The following COL15A1 variants were observed in gnomAD, a reference collection of about 807,000 sequenced individuals.
COL15A1 encodes the protein collagen alpha-1(XV) chain.
COL15A1 carries 111 observed loss-of-function variants against 165.9 expected under a neutral mutation model. The observed-to-expected ratio is 0.67, with a 90% CI of 0.57 to 0.78. The LOEUF is 0.78. Ranked by LOEUF, COL15A1 falls within the 30% of genes least tolerant of loss-of-function variation. COL15A1 has a pLI of 0.00. For missense variants in COL15A1, 1,745 were observed against 1,789.7 expected, an observed-to-expected ratio of 0.98 and a Z score of 0.45; for synonymous variants, 659 against 674.8, an observed-to-expected ratio of 0.98 and a Z score of 0.36.
intron 28 of COL15A1, 116 bp from the exon 29 acceptor site, chr9:99,049,574 G>A: frequency 7.8e-7 from 1 of 1,290,272 alleles, no homozygotes; most frequent in Non-Finnish European, 1.1e-6. Context: ...ACCTGAGAGA[G>A]AAGTTGGTTG....
intron 9 of COL15A1, among the ~76,000 whole-genome samples, chr9:99,011,543 C>G (rs569791463): frequency 6.6e-6 from 1 of 152,000 alleles, no homozygotes; most frequent in East Asian, 1.9e-4. Flanking sequence ...TTACATCTCT[C>G]TCATTTCCTG....
chr9:99,013,098 T>C (rs1358400897), intron 9 of COL15A1, among the ~76,000 whole-genome samples: 1 of 152,180 alleles, frequency 6.6e-6, no homozygotes, highest in African/African-American at 2.4e-5. Flanking sequence ...GGTGAGACTC[T>C]ACAGTGTGTC....
rs763799487 is a variant in COL15A1, at chr9:99,015,534, G to T, written c.1471G>T (p.Ala491Ser). 15 of 1,613,948 alleles carry T rather than the reference G, an allele frequency of 9.3e-6. No individual in the cohort carries two copies. Among genetic ancestry groups the T allele is most frequent in the Non-Finnish European group, 8.5e-7 (1 of 1,179,994 alleles). Residue 491 changes from alanine to serine, a missense_variant, in exon 10 of 42, where the codon GCC (alanine) becomes TCC (serine). Ala to Ser is a moderately conservative substitution (Grantham distance 99). Transcript: ENST00000375001. The part of the protein sequence containing the change: ...VPTDGLAPLT[A>S]TMAPERAVTS... Reference sequence around the variant, plus strand: ...CACAGATGGCCTGGCTCCCCTCACAGCCACCATGGCCCCTGAGCGGGCAGT... The same window carrying T: ...CACAGATGGCCTGGCTCCCCTCACATCCACCATGGCCCCTGAGCGGGCAGT...
At chr9:98,972,183 C>T (rs10819537) in intron 2 of COL15A1, among the ~76,000 whole-genome samples, 53,467 of 151,938 alleles carry the variant, frequency 0.35, 10,078 homozygotes, top group African/African-American at 0.49. Flanking sequence ...GCGAGGTGAT[C>T]TGTGGAAAGG....
In COL15A1 at chr9:98,997,095, C is replaced by A. The variant is rs1838561466; in HGVS notation, c.952+14C>A. The A allele has an allele frequency of 1.2e-6, 2 of 1,614,070 alleles. No individual in the cohort carries two copies. The highest frequency in any genetic ancestry group is 4.5e-5 in the East Asian group (2 of 44,884). On this transcript the variant is annotated intron_variant, in intron 6 of 41. Transcript: ENST00000375001. ...GCCCCAAACAAGGCAAGTCCGGATG[C>A]ACATGCCTACGTAGTGGCCTTTTAT...
chr9:98,988,328 T>C (rs896428768), intron 4 of COL15A1, among the ~76,000 whole-genome samples: 10 of 152,146 alleles, frequency 6.6e-5, no homozygotes, highest in African/African-American at 2.4e-4. Flanking sequence ...CACGCGTTAG[T>C]CTCTGCATTG....
intron 9 of COL15A1, among the ~76,000 whole-genome samples, chr9:99,013,653 C>T (rs1439978651): frequency 6.6e-6 from 1 of 152,034 alleles, no homozygotes; most frequent in African/African-American, 2.4e-5. Flanking sequence ...GTCAAATCCT[C>T]TCCCGGTATA....
intron 2 of COL15A1, among the ~76,000 whole-genome samples, chr9:98,969,885 A>T (rs1231259724): frequency 6.6e-6 from 1 of 152,128 alleles, no homozygotes; most frequent in Admixed American, 6.5e-5. Context: ...TCATTCCTTC[A>T]TCTGTAAATT....
At chr9:99,041,785 A>T (rs1323244378) in intron 23 of COL15A1, among the ~76,000 whole-genome samples, 1 of 152,162 alleles carries the variant, frequency 6.6e-6, no homozygotes, top group Non-Finnish European at 1.5e-5. Flanking sequence ...AGGCTGGATC[A>T]GTAGTGCCCA....
intron 39 of COL15A1, among the ~76,000 whole-genome samples, chr9:99,063,458 A>T (rs888642710): frequency 6.6e-6 from 1 of 152,200 alleles, no homozygotes; most frequent in Admixed American, 6.5e-5. Context: ...AATTGCTAGT[A>T]TTAAATTACA....
intron 4 of COL15A1, among the ~76,000 whole-genome samples, chr9:98,988,878 G>A (rs113187443): frequency 0.036 from 5,485 of 151,978 alleles, 325 homozygotes; most frequent in African/African-American, 0.13. Flanking sequence ...AGCTGAGATC[G>A]CACCACTGCA....
At chr9:99,039,475 C>A (rs890536076) in intron 22 of COL15A1, among the ~76,000 whole-genome samples, 1 of 152,190 alleles carries the variant, frequency 6.6e-6, no homozygotes, top group Non-Finnish European at 1.5e-5. Context: ...CACTACTGCA[C>A]CCCAGGCTGG....
intron 2 of COL15A1, among the ~76,000 whole-genome samples, chr9:98,955,425 T>C (rs1356497901): frequency 6.6e-6 from 1 of 152,240 alleles, no homozygotes; most frequent in Non-Finnish European, 1.5e-5. Context: ...CCCCAGCATC[T>C]GACATGGCAC....
chr9:98,982,485 G>A (rs974116401), intron 2 of COL15A1, among the ~76,000 whole-genome samples: 2 of 152,074 alleles, frequency 1.3e-5, no homozygotes, highest in Non-Finnish European at 2.9e-5. Flanking sequence ...AATCAGACAG[G>A]GCAGGGTCTG....
intron 12 of COL15A1, among the ~76,000 whole-genome samples, chr9:99,021,383 G>A (rs1839025039): frequency 2.0e-5 from 3 of 152,204 alleles, no homozygotes; most frequent in African/African-American, 7.2e-5. Context: ...GTAGCAGGAG[G>A]CACACAGATT....
At chr9:99,005,968 G>A (rs952462790) in intron 9 of COL15A1, among the ~76,000 whole-genome samples, 2 of 152,008 alleles carry the variant, frequency 1.3e-5, no homozygotes, top group African/African-American at 4.8e-5. Context: ...CCACCTCTTG[G>A]GCCCGTCCTC....
chr9:98,955,867 C>CT lies in COL15A1; in HGVS notation c.100+11618dup, dbSNP rs1463267513. Among the ~76,000 whole-genome samples, 8 of 152,220 alleles carry CT rather than the reference C, an allele frequency of 5.3e-5. No individual in the cohort carries two copies. The South Asian group carries it at 1.7e-3, about 32-fold the overall frequency. ...CTCCAACTACAATCTTAGTGGCTAG[C>CT]TAGTTCTGACTTGATTGTCTAGCTC... On this transcript the variant is annotated intron_variant, in intron 2 of 41. Coordinates refer to ENST00000375001, the MANE Select transcript of COL15A1 (RefSeq NM_001855.5).
At chr9:99,040,441 G>T in intron 22 of COL15A1, 80 bp from the exon 23 acceptor site, 1 of 1,610,614 alleles carries the variant, frequency 6.2e-7, no homozygotes, top group Non-Finnish European at 8.5e-7. Context: ...GCCTTTGGAA[G>T]GGGCTGGGAG....
intron 24 of COL15A1, 141 bp from the exon 25 acceptor site, chr9:99,044,427 T>C (rs1839461458): frequency 5.5e-6 from 4 of 732,530 alleles, no homozygotes; most frequent in Non-Finnish European, 9.3e-6. Context: ...TCAAGTAGGA[T>C]GAAGGCAAGA....
Sources: allele counts gnomAD v4.1 joint callset (sites outside exome capture counted in the v4.1 genomes callset), GRCh38; gene constraint gnomAD v4.1.1; transcripts MANE v1.5; gene names NCBI Gene and HGNC (gene_info 2026-07-23, HGNC 2026-07-21).